Variants in SLC12A5 observed in about 807,000 individuals in gnomAD.
SLC12A5 encodes the protein solute carrier family 12 member 5.
SLC12A5 carries 18 observed loss-of-function variants against 124.0 expected under a neutral mutation model. The observed-to-expected ratio is 0.15, with a 90% CI of 0.10 to 0.22. The LOEUF (loss-of-function observed/expected upper bound fraction) is 0.22. Among genes scored for constraint, SLC12A5 ranks in the 10% least tolerant of loss-of-function variants. SLC12A5 has a pLI of 1.00. For missense variants in SLC12A5, 867 were observed against 1,478.7 expected (o/e 0.59, Z 6.78); for synonymous variants, 589 against 568.0 (o/e 1.04, Z -0.53).
chr20:46,044,958 C>CTGT lies in SLC12A5; in HGVS notation c.1395-8_1395-7insTGT, dbSNP rs1431311056. On this transcript the variant is annotated splice_region_variant and splice_polypyrimidine_tract_variant and intron_variant, in intron 11 of 25. Transcript: ENST00000243964. Reference sequence around the variant, plus strand: ...CTCACCTGGCATCTCCTGTCCACATCATTCCAGGTTTGGCGAAGCTGTGAA... The same window carrying CTGT: ...CTCACCTGGCATCTCCTGTCCACATCTGTATTCCAGGTTTGGCGAAGCTGTGAA... 6.2e-7 allele frequency: 1 copy of CTGT among 1,614,230 alleles called. No homozygotes were observed. Among genetic ancestry groups the CTGT allele is most frequent in the Non-Finnish European group, 8.5e-7 (1 of 1,180,032 alleles).
rs747044929 is a variant in SLC12A5, at chr20:46,056,116, A to G, written c.2788-34A>G. 1.1e-5 allele frequency: 17 copies of G among 1,612,408 alleles called. No individual in the cohort carries two copies. Among genetic ancestry groups the G allele is most frequent in the Non-Finnish European group, 1.4e-5 (16 of 1,179,226 alleles). The stretch of plus-strand genomic sequence containing the variant: ...TTGCAGGGCATGGGTGGTGACTCCC[A>G]GCAGAGCTGGCACCAACCTATGTCA... On this transcript the variant is annotated intron_variant, in intron 21 of 25. Transcript: ENST00000243964. The surrounding 1 kb of genome is among the most constrained non-coding windows in gnomAD (Gnocchi z 4.3).
chr20:46,043,595 G>T (rs938371318), intron 9 of SLC12A5, 38 bp from the exon 10 acceptor site: 3 of 1,605,058 alleles, frequency 1.9e-6, no homozygotes, highest in Non-Finnish European at 2.6e-6. Context: ...GTCTCCTGTG[G>T]CCCTGGCTTG....
upstream of SLC12A5, chr20:46,028,963 C>T (rs1294760742): frequency 8.1e-6 from 2 of 246,044 alleles, no homozygotes; most frequent in Non-Finnish European, 1.4e-5. Context: ...GGAGGCGAGG[C>T]CCTGTCCCCC....
At chr20:46,041,163 GA>G (rs11460894) in intron 7 of SLC12A5, 165 bp from the exon 8 acceptor site, 8,655 of 500,556 alleles carry the variant, frequency 0.017, 8 homozygotes, top group African/African-American at 0.031. Context: ...GGGAGCTTAA[GA>G]AAAAAAAAAA....
At chr20:46,050,178 GT>G (rs1383247261) in intron 17 of SLC12A5, among the ~76,000 whole-genome samples, 52 of 152,360 alleles carry the variant, frequency 3.4e-4, no homozygotes, top group African/African-American at 1.2e-3. Flanking sequence ...ACAGTCTGGG[GT>G]TGACAAGGTG....
intron 14 of SLC12A5, among the ~76,000 whole-genome samples, chr20:46,047,223 C>T (rs1340603957): frequency 6.6e-6 from 1 of 152,162 alleles, no homozygotes; most frequent in African/African-American, 2.4e-5. Flanking sequence ...TGTGGGGTGT[C>T]AGGAGTTGGG....
At chr20:46,039,586 C>T (rs1339896161) in intron 6 of SLC12A5, among the ~76,000 whole-genome samples, 1 of 152,118 alleles carries the variant, frequency 6.6e-6, no homozygotes, top group Non-Finnish European at 1.5e-5. Context: ...ACCAGCCTGA[C>T]TGATACGGTG....
At position 46,045,415 on chromosome 20, in the gene SLC12A5, G is replaced by T. The variant is rs2084586243; in HGVS notation, c.1569+275G>T. ...ATAAGTGTGTCTTACTTGGGATTTGGCCCATGGTCAGTGCATCCCTTGGAG... is the reference window on the plus strand; with the variant it reads ...ATAAGTGTGTCTTACTTGGGATTTGTCCCATGGTCAGTGCATCCCTTGGAG... On this transcript the variant is annotated intron_variant, in intron 12 of 25. Transcript: ENST00000243964. The surrounding 1 kb of genome is among the most constrained non-coding windows in gnomAD (Gnocchi z 4.9). 6.6e-6 allele frequency among the ~76,000 whole-genome samples: 1 copy of T among 152,192 alleles called. No individual in the cohort carries two copies. Among genetic ancestry groups the T allele is most frequent in the Non-Finnish European group, 1.5e-5 (1 of 68,028 alleles).
chr20:46,059,414 C>A lies in SLC12A5; in HGVS notation c.*1809C>A. 1 of 396,574 alleles carries A rather than the reference C, an allele frequency of 2.5e-6. No individual in the cohort carries two copies. The highest frequency in any genetic ancestry group is 4.4e-6 in the Non-Finnish European group (1 of 225,186). 24.6% of individuals were successfully genotyped at this position (396,574 alleles called of 1,614,324 possible). On this transcript the variant is annotated 3_prime_UTR_variant, in exon 26 of 26. Transcript: ENST00000243964. ...GACTGGATAGATTCTTTCAGGTACT[C>A]AATCAGGAAGCTGGAGGTGTTAGAC...
At chr20:46,054,588 C>T (rs1029709921) in intron 20 of SLC12A5, among the ~76,000 whole-genome samples, 18 of 152,212 alleles carry the variant, frequency 1.2e-4, no homozygotes, top group Non-Finnish European at 2.4e-4. Flanking sequence ...ATTCATTCAT[C>T]GCTTTGTTCT....
intron 21 of SLC12A5, among the ~76,000 whole-genome samples, chr20:46,055,647 T>C (rs942520053): frequency 2.0e-5 from 3 of 152,010 alleles, no homozygotes; most frequent in African/African-American, 7.3e-5. Flanking sequence ...GGTGATAAGT[T>C]GCCCAGGGAA....
chr20:46,052,912 A>T lies in SLC12A5; in HGVS notation c.2378-45A>T, dbSNP rs757271320. 4 of 1,552,906 alleles carry T rather than the reference A, an allele frequency of 2.6e-6. No homozygotes were observed. The Admixed American group carries it at 7.3e-5, about 28-fold the overall frequency. On this transcript the variant is annotated intron_variant, in intron 18 of 25. Transcript: ENST00000243964. ...GCTGCTGCTGGGTGTTGGGAGAACC[A>T]GAGTCACTGTTTCCCCCTCTGGCCC...
downstream of SLC12A5, chr20:46,023,676 A>T: frequency 2.6e-6 from 1 of 382,068 alleles, no homozygotes; most frequent in East Asian, 3.7e-5. Flanking sequence ...TCGTTCTGTA[A>T]GTTATAGCTC....
Position 46,045,991 on chromosome 20 carries a change from C to G in SLC12A5, c.1683C>G (p.Leu561=), listed in dbSNP as rs763681803. Residue 561 remains leucine, a synonymous_variant, in exon 13 of 26, where the codon CTC becomes CTG. Coordinates refer to ENST00000243964, the MANE Select transcript of SLC12A5 (RefSeq NM_020708.5). This position sits in a 1 kb window ranked among gnomAD's most constrained non-coding sequence, Gnocchi z 4.9. The part of the protein sequence containing the change: ...IASLDEVAPI[L]SMFFLMCYMF... The stretch of plus-strand genomic sequence containing the variant: ...CCCTCGACGAGGTGGCCCCCATCCT[C>G]TCTATGTGCGTGCCTGACTTCTTGC... 3.1e-6 allele frequency: 5 copies of G among 1,613,924 alleles called. No homozygotes were observed. Among genetic ancestry groups the G allele is most frequent in the Non-Finnish European group, 4.2e-6 (5 of 1,179,796 alleles).
chr20:46,049,563 T>G (rs894583418), intron 16 of SLC12A5, 59 bp from the exon 17 acceptor site: 10 of 1,551,130 alleles, frequency 6.4e-6, no homozygotes, highest in Non-Finnish European at 8.7e-6. Flanking sequence ...GGTGGGTGTA[T>G]GGTGTGTGGA....
chr20:46,041,241 G>A (rs1373807804), intron 7 of SLC12A5, 88 bp from the exon 8 acceptor site: 1 of 1,111,994 alleles, frequency 9.0e-7, no homozygotes, highest in Non-Finnish European at 1.3e-6. Context: ...TGGCGTCCGT[G>A]TGTTTAAAAG....
chr20:46,048,374 T>C (rs1451813152), intron 16 of SLC12A5, among the ~76,000 whole-genome samples: 1 of 152,134 alleles, frequency 6.6e-6, no homozygotes, highest in African/African-American at 2.4e-5. Flanking sequence ...TCATAAAACA[T>C]GAATGCCTGA....
At position 46,058,220 on chromosome 20, in the gene SLC12A5, G is replaced by T; in HGVS notation, c.*615G>T. 1 of 370,448 alleles carries T rather than the reference G, an allele frequency of 2.7e-6. No individual in the cohort carries two copies. The allele number at this position is 370,448 out of a possible 1,614,324, so 22.9% of individuals were successfully genotyped here. The stretch of plus-strand genomic sequence containing the variant: ...CCATAGTCGAGCTCTCCCGCTGGGG[G>T]CACTGCGGGGAGGCGAGGCCTCGGG... On this transcript the variant is annotated 3_prime_UTR_variant, in exon 26 of 26. Transcript: ENST00000243964. This position sits in a 1 kb window ranked among gnomAD's most constrained non-coding sequence, Gnocchi z 5.8.
upstream of SLC12A5, among the ~76,000 whole-genome samples, chr20:46,028,482 G>A (rs1043537608): frequency 1.3e-5 from 2 of 152,134 alleles, no homozygotes; most frequent in Non-Finnish European, 2.9e-5. Context: ...GGGACGCTGG[G>A]ACTCTTGTCA....
Sources: gnomAD v4.1 joint callset for allele counts (sites outside exome capture counted in the v4.1 genomes callset) on GRCh38, gnomAD v4.1.1 for gene constraint, Gnocchi (gnomAD v3.1) non-coding constraint, MANE v1.5 for transcripts, NCBI Gene and HGNC (gene_info 2026-07-23, HGNC 2026-07-21) for gene names.